The following PDZD7 variants were observed in gnomAD, a reference collection of about 807,000 sequenced individuals.
PDZD7 encodes the protein PDZ domain-containing protein 7.
A neutral mutation model predicts 84.7 loss-of-function variants in PDZD7; 72 were observed. The observed-to-expected ratio is 0.85, with a 90% CI of 0.70 to 1.03. PDZD7 has a LOEUF of 1.03. Ranked by LOEUF, PDZD7 falls within the 50% of genes least tolerant of loss-of-function variation. The probability of loss-of-function intolerance (pLI) is 0.00; values close to 1 mark genes in which losing one functional copy is unlikely to be tolerated. For synonymous variants in PDZD7, 594 were observed against 580.7 expected (o/e 1.02, Z -0.33); for missense variants, 1,490 against 1,412.9 (o/e 1.05, Z -0.87).
At chr10:101,018,440 C>T (rs1590058890) in intron 8 of PDZD7, 144 bp from the exon 9 acceptor site, 1 of 876,586 alleles carries the variant, frequency 1.1e-6, no homozygotes, top group Non-Finnish European at 1.8e-6. Context: ...AGTGCGGTTC[C>T]TCTTCCGACT....
At position 101,011,374 on chromosome 10, in the gene PDZD7, G is replaced by A. The variant is rs373250968; in HGVS notation, c.2005+316C>T. 28 of 553,898 alleles carry A rather than the reference G, an allele frequency of 5.1e-5. 1 individual carries two copies. Among genetic ancestry groups the A allele is most frequent in the Middle Eastern group, 6.2e-4 (1 of 1,604 alleles). 34.3% of individuals were successfully genotyped at this position (553,898 alleles called of 1,614,324 possible). A position where few individuals can be genotyped will look rare whatever the true frequency, so the allele number is the denominator to read the frequency against. ...CATTTTAATGCTTCCTGCTGGAATC[G>A]TTACCGTTCTATTTTAATGTGTCTA... On this transcript the variant is annotated intron_variant, in intron 14 of 16. Transcript: ENST00000619208.
intron 16 of PDZD7, 61 bp from the exon 17 acceptor site, chr10:101,008,911 A>G: frequency 6.9e-7 from 1 of 1,442,068 alleles, no homozygotes; most frequent in African/African-American, 1.4e-5. Context: ...TCAGCCCCCA[A>G]CCTGAAGGCA....
chr10:101,017,857 AAG>A (rs1491410145), intron 9 of PDZD7: 6 of 214,986 alleles, frequency 2.8e-5, no homozygotes, highest in Middle Eastern at 1.6e-3. Flanking sequence ...GAAAGAAAGA[AAG>A]AAAGAAAGAA....
At position 101,024,041 on chromosome 10, in the gene PDZD7, T is replaced by C. The variant is rs1222143587; in HGVS notation, c.254A>G (p.His85Arg). 8 of 1,614,266 alleles carry C rather than the reference T, an allele frequency of 5.0e-6. No individual in the cohort carries two copies. The highest frequency in any genetic ancestry group is 5.1e-6 in the Non-Finnish European group (6 of 1,180,042). ...EANSDESDIIHSVRVEKSPAG... is the reference protein window; with the variant it reads ...EANSDESDIIRSVRVEKSPAG... ...TGGACTCTTCTCCACCCGGACTGAA[T>C]GGATGATGTCACTTTCATCACTGTT... The change falls in exon 3 of 17, where the codon CAT (histidine) becomes CGT (arginine). Residue 85 changes from histidine to arginine, a missense_variant. Coordinates refer to ENST00000619208, the MANE Select transcript of PDZD7 (RefSeq NM_001195263.2).
At chr10:101,015,370 C>T (rs2134020218) in intron 11 of PDZD7, among the ~76,000 whole-genome samples, 1 of 152,366 alleles carries the variant, frequency 6.6e-6, no homozygotes, top group African/African-American at 2.4e-5. Context: ...GGGTTACCGT[C>T]TCATGTTCTT....
chr10:101,011,656 G>C, intron 14 of PDZD7, 34 bp downstream of exon 14: 1 of 1,536,392 alleles, frequency 6.5e-7, no homozygotes, highest in Non-Finnish European at 8.7e-7. Context: ...CCCCAGGGCT[G>C]TGCCCCTCCC....
chr10:101,011,736 G>C lies in PDZD7; in HGVS notation c.1959C>G (p.Ala653=). 1 of 1,546,998 alleles carries C rather than the reference G, an allele frequency of 6.5e-7. No individual in the cohort carries two copies. The change falls in exon 14 of 17, where the codon GCC becomes GCG. Residue 653 remains alanine (A), a synonymous_variant. Coordinates refer to ENST00000619208, the MANE Select transcript of PDZD7 (RefSeq NM_001195263.2). Reference sequence around the variant, plus strand: ...GACGCTTGGGTGGCGTGTCCTGCCGGGCTGGTCTCAAAGCAGGAGGCCGGA... The same window carrying C: ...GACGCTTGGGTGGCGTGTCCTGCCGCGCTGGTCTCAAAGCAGGAGGCCGGA... ...RAVRPPALRP[A]RQDTPPKRHL...
chr10:101,030,706 AG>A (rs1284811874), intron 1 of PDZD7: 1 of 288,796 alleles, frequency 3.5e-6, no homozygotes, highest in Non-Finnish European at 6.9e-6. Flanking sequence ...GTGAGACAAA[AG>A]AGAGGTCAGG....
At position 101,007,875 on chromosome 10, in the gene PDZD7, A is replaced by AACC. The variant is rs1852267845; in HGVS notation, c.*591_*592insGGT. 2 of 23,766 alleles carry AACC rather than the reference A, an allele frequency of 8.4e-5. No individual in the cohort carries two copies. The highest frequency in any genetic ancestry group is 1.4e-4 in the Non-Finnish European group (2 of 14,438). 1.5% of individuals were successfully genotyped at this position (23,766 alleles called of 1,614,324 possible). A position where few individuals can be genotyped will look rare whatever the true frequency, so the allele number is the denominator to read the frequency against. On this transcript the variant is annotated 3_prime_UTR_variant, in exon 17 of 17. Transcript: ENST00000619208. ...GATAAAGAGTACAGGAACTTGTTTGACCCCCCCCCCCCCACCATTTGCTGG... is the reference window on the plus strand; with the variant it reads ...GATAAAGAGTACAGGAACTTGTTTGAACCCCCCCCCCCCCCCACCATTTGCTGG...
At position 101,030,138 on chromosome 10, in the gene PDZD7, G is replaced by A. The variant is rs1345050058; in HGVS notation, c.82C>T (p.Arg28Ter). Reference sequence around the variant, plus strand: ...CCTGAGTCGCTGCCTAGGTGGCCTCGGGAGGAGAGGGAGCTCAGAGAGCCG... The same window carrying A: ...CCTGAGTCGCTGCCTAGGTGGCCTCAGGAGGAGAGGGAGCTCAGAGAGCCG... ...SSGSLSSLSSRGHLGSDSGST... is the reference protein window; with the variant it reads ...SSGSLSSLSS Residue 28 changes from arginine to a stop codon, truncating the protein, a stop_gained, in exon 2 of 17, where the codon CGA (arginine) becomes TGA (stop). Coordinates refer to ENST00000619208, the MANE Select transcript of PDZD7 (RefSeq NM_001195263.2). LOFTEE classifies it high-confidence loss of function. 3 of 1,614,018 alleles carry A rather than the reference G, an allele frequency of 1.9e-6. No homozygotes were observed. The highest frequency in any genetic ancestry group is 1.1e-5 in the South Asian group (1 of 91,086).
rs763280263 is a variant in PDZD7, at chr10:101,022,313, A to G, written c.615T>C (p.Asp205=). 1.2e-6 allele frequency: 2 copies of G among 1,614,086 alleles called. No homozygotes were observed. Among genetic ancestry groups the G allele is most frequent in the East Asian group, 2.2e-5 (1 of 44,892 alleles). Residue 205 remains aspartate (D), a synonymous_variant, in exon 5 of 17, where the codon GAT becomes GAC. Transcript: ENST00000619208. ...ATAGGTGGACGATGCGCCGGACACCATCTTCTGAGCTGGTGTCGGAGGGTG... is the reference window on the plus strand; with the variant it reads ...ATAGGTGGACGATGCGCCGGACACCGTCTTCTGAGCTGGTGTCGGAGGGTG... The part of the protein sequence containing the change: ...GSTPSDTSSE[D]GVRRIVHLYT...
Position 101,023,921 on chromosome 10 carries a change from T to C in PDZD7, c.367+7A>G, listed in dbSNP as rs6584410. On this transcript the variant is annotated splice_region_variant and intron_variant, in intron 3 of 16. Transcript: ENST00000619208. ...AGCGTGGACTTCAGCCTGGGGGTTC[T>C]GCTTACCTGCACTGCTGCCTTCCTC... 0.59 allele frequency: 957,297 copies of C among 1,614,028 alleles called. 287,387 individuals are homozygous for C. The highest frequency in any genetic ancestry group is 0.8 in the African/African-American group (59,993 of 75,026).
Position 101,023,429 on chromosome 10 carries a change from T to C in PDZD7, c.542+7A>G. On this transcript the variant is annotated splice_region_variant and intron_variant, in intron 4 of 16. Transcript: ENST00000619208. ...GCCAGGGCTAGGATGAGGGAGTTGC[T>C]GCTCACCACGTGGTCTTCTCCTTGG... 2 of 1,614,062 alleles carry C rather than the reference T, an allele frequency of 1.2e-6. No individual in the cohort carries two copies. Among genetic ancestry groups the C allele is most frequent in the East Asian group, 2.2e-5 (1 of 44,862 alleles).
At chr10:101,016,276 T>C (rs548876482) in intron 10 of PDZD7, 101 bp downstream of exon 10, 1 of 1,239,980 alleles carries the variant, frequency 8.1e-7, no homozygotes, top group Non-Finnish European at 1.1e-6. Flanking sequence ...TGCTTGACCC[T>C]GACTGAATTT....
chr10:101,030,213 G>A lies in PDZD7; in HGVS notation c.7C>T (p.Gln3Ter), dbSNP rs1181870870. The A allele has an allele frequency of 6.2e-7, 1 of 1,606,158 alleles. No individual in the cohort carries two copies. The highest frequency in any genetic ancestry group is 2.2e-5 in the East Asian group (1 of 44,678). The change falls in exon 2 of 17, where the codon CAG (glutamine) becomes TAG (stop). Residue 3 changes from glutamine (Q) to a stop codon, truncating the protein, a stop_gained. Coordinates refer to ENST00000619208, the MANE Select transcript of PDZD7 (RefSeq NM_001195263.2). LOFTEE classifies it high-confidence loss of function. MA[Q>*]GFAVGFDPLG... ...GGGTCGAAGCCCACTGCGAAACCCT[G>A]CGCCATGGCGGCTGGGCTAGGGCGG...
rs978580047 is a variant in PDZD7, at chr10:101,010,876, G to A, written c.2013C>T (p.Arg671=). The A allele has an allele frequency of 4.2e-5, 65 of 1,533,688 alleles. No homozygotes were observed. The highest frequency in any genetic ancestry group is 9.8e-5 in the Admixed American group (5 of 50,974). Residue 671 remains arginine (R), a synonymous_variant, in exon 15 of 17, where the codon CGC becomes CGT. Coordinates refer to ENST00000619208, the MANE Select transcript of PDZD7 (RefSeq NM_001195263.2). ...TCACCGGCAGCAGGTAGAAGCCTCC[G>A]CGGCTGTCTGGGGAAGAGCGCCAAG... ...RHLITPVPDS[R]GGFYLLPVNG... is the part of the protein sequence containing the mutation.
intron 11 of PDZD7, among the ~76,000 whole-genome samples, chr10:101,013,209 T>C (rs1852459251): frequency 6.6e-6 from 1 of 152,228 alleles, no homozygotes; most frequent in African/African-American, 2.4e-5. Context: ...CATTCCCTTT[T>C]GTCTGGAGAG....
intron 2 of PDZD7, 51 bp downstream of exon 2, chr10:101,029,941 TCC>T: frequency 6.5e-7 from 1 of 1,534,066 alleles, no homozygotes; most frequent in Non-Finnish European, 9.0e-7. Flanking sequence ...GTTCCCATTG[TCC>T]CCTACCCCCA....
intron 8 of PDZD7, 92 bp from the exon 9 acceptor site, chr10:101,018,388 AGAG>A: frequency 2.2e-6 from 3 of 1,383,856 alleles, no homozygotes; most frequent in Non-Finnish European, 3.0e-6. Flanking sequence ...GAGAGAAGGG[AGAG>A]GAGAGGGCAG....
Sources: gnomAD v4.1 joint callset for allele counts (sites outside exome capture counted in the v4.1 genomes callset) on GRCh38, gnomAD v4.1.1 for gene constraint, MANE v1.5 for transcripts, NCBI Gene and HGNC (gene_info 2026-07-23, HGNC 2026-07-21) for gene names.